The following ATG13 variants were observed in gnomAD, a reference collection of about 807,000 sequenced individuals.
ATG13 encodes autophagy-related protein 13.
A neutral mutation model predicts 65.5 loss-of-function variants in ATG13; 23 were observed. The ratio of observed to expected loss-of-function variants is 0.35; its 90% CI spans 0.25 to 0.50. The LOEUF is 0.50. Among genes scored for constraint, ATG13 ranks in the 20% least tolerant of loss-of-function variants. The pLI is 0.98. For synonymous variants in ATG13, 252 were observed against 245.2 expected (o/e 1.03, Z -0.26); for missense variants, 566 against 677.0 (o/e 0.84, Z 1.82).
intron 1 of ATG13, among the ~76,000 whole-genome samples, chr11:46,622,184 C>A (rs2047945164): frequency 6.9e-6 from 1 of 144,842 alleles, no homozygotes; most frequent in Non-Finnish European, 1.5e-5. Flanking sequence ...GTGAAGCAAT[C>A]TTGGCTCACT....
chr11:46,619,944 G>C (rs1409122891), intron 1 of ATG13, among the ~76,000 whole-genome samples: 2 of 149,074 alleles, frequency 1.3e-5, no homozygotes, highest in Non-Finnish European at 3.0e-5. Flanking sequence ...CAGGAGAATC[G>C]CTTGAACCCA....
chr11:46,653,000 A>G (rs1345597777), intron 7 of ATG13, among the ~76,000 whole-genome samples: 1 of 152,070 alleles, frequency 6.6e-6, no homozygotes, highest in Admixed American at 6.6e-5. Flanking sequence ...TACTTTTGCA[A>G]TACAACAGAA....
At chr11:46,645,441 AGG>A in intron 4 of ATG13, 22 bp downstream of exon 4, 1 of 1,589,220 alleles carries the variant, frequency 6.3e-7, no homozygotes, top group Non-Finnish European at 8.6e-7. Context: ...TTATTTACTA[AGG>A]TGTATACTGT....
chr11:46,647,134 C>T lies in ATG13; in HGVS notation c.270+1145C>T, dbSNP rs558342476. On this transcript the variant is annotated intron_variant, in intron 5 of 18. Coordinates refer to ENST00000683050, the MANE Select transcript of ATG13 (RefSeq NM_001346311.2). ...ACTTCTGCTCATCCTTCAAGACTCG[C>T]GTGCTCTAGAAACTTTCCCCCTTTT... 4.6e-5 allele frequency among the ~76,000 whole-genome samples: 7 copies of T among 152,302 alleles called. No homozygotes were observed. In the South Asian group the frequency reaches 8.3e-4, roughly 18 times the overall value.
intron 2 of ATG13, among the ~76,000 whole-genome samples, chr11:46,641,805 G>A (rs1352074229): frequency 6.7e-6 from 1 of 148,242 alleles, no homozygotes; most frequent in Non-Finnish European, 1.5e-5. Flanking sequence ...CTGTTGCCCA[G>A]GCTGGAGTGC....
intron 11 of ATG13, chr11:46,659,752 A>C: frequency 3.2e-6 from 1 of 315,768 alleles, no homozygotes; most frequent in Non-Finnish European, 5.8e-6. Context: ...AGAATTCCAA[A>C]TGCATTCTGA....
At chr11:46,665,013 G>A (rs572334044) in intron 13 of ATG13, 54 bp downstream of exon 13, 16 of 1,523,494 alleles carry the variant, frequency 1.1e-5, no homozygotes, top group Admixed American at 3.4e-5. Flanking sequence ...TCCCCTGCCC[G>A]GAGGCAATTG....
intron 1 of ATG13, among the ~76,000 whole-genome samples, chr11:46,625,826 C>G (rs1000335390): frequency 6.6e-6 from 1 of 152,030 alleles, no homozygotes; most frequent in Non-Finnish European, 1.5e-5. Flanking sequence ...ATTTTAGGCG[C>G]ATAAAGGAAT....
intron 7 of ATG13, among the ~76,000 whole-genome samples, chr11:46,652,573 A>T (rs565780345): frequency 6.6e-6 from 1 of 151,990 alleles, no homozygotes; most frequent in African/African-American, 2.4e-5. Flanking sequence ...AAAATTAGCC[A>T]GGTGTGGTGG....
intron 9 of ATG13, 84 bp downstream of exon 9, chr11:46,657,275 A>C: frequency 7.7e-7 from 1 of 1,306,950 alleles, no homozygotes; most frequent in South Asian, 1.2e-5. Context: ...CTAAACCTAC[A>C]ATTCAGCTTT....
In ATG13 at chr11:46,668,565, A is replaced by G. The variant is rs753176462; in HGVS notation, c.1318A>G (p.Thr440Ala). Residue 440 changes from threonine to alanine, a missense_variant, in exon 16 of 19, where the codon ACC becomes GCC. Coordinates refer to ENST00000683050, the MANE Select transcript of ATG13 (RefSeq NM_001346311.2). ...TCCCAAGAATTTGGAGCTGGAGGAT[A>G]CCGATCCAATGGTGAGCCCACCGTT... The part of the protein sequence containing the change: ...FAPKNLELED[T>A]DPMVNPPDSP... 18 of 1,614,062 alleles carry G rather than the reference A, an allele frequency of 1.1e-5. No homozygotes were observed. The highest frequency in any genetic ancestry group is 1.4e-5 in the Non-Finnish European group (17 of 1,180,010).
At chr11:46,647,743 T>TA (rs879627644) in intron 5 of ATG13, among the ~76,000 whole-genome samples, 70 of 141,768 alleles carry the variant, frequency 4.9e-4, no homozygotes, top group East Asian at 1.8e-3. Flanking sequence ...GGCTAATGTT[T>TA]AAAAAAAAAA....
At chr11:46,641,581 G>C (rs1049797074) in intron 2 of ATG13, among the ~76,000 whole-genome samples, 3 of 152,138 alleles carry the variant, frequency 2.0e-5, no homozygotes, top group Admixed American at 1.3e-4. Context: ...ATATAAATCA[G>C]TAATTATTTC....
chr11:46,633,081 G>T (rs752111438), intron 2 of ATG13, among the ~76,000 whole-genome samples: 19 of 143,906 alleles, frequency 1.3e-4, no homozygotes, highest in Non-Finnish European at 2.4e-4. Flanking sequence ...CTGGAGTGCA[G>T]TGGTGGGATC....
rs141880591 is a variant in ATG13, at chr11:46,638,902, G to A, written c.-13-5377G>A. Among the ~76,000 whole-genome samples, 1,064 of 152,224 alleles carry A rather than the reference G, an allele frequency of 7.0e-3. 18 individuals carry two copies. The highest frequency in any genetic ancestry group is 0.024 in the African/African-American group (1,016 of 41,532). ...GGCTCACTGCAACCTCCGCCTCCCA[G>A]GTGCAAGCCATTCTCCCACCTCAGC... On this transcript the variant is annotated intron_variant, in intron 2 of 18. Coordinates refer to ENST00000683050, the MANE Select transcript of ATG13 (RefSeq NM_001346311.2).
At chr11:46,656,135 A>T in intron 7 of ATG13, 98 bp from the exon 8 acceptor site, 1 of 1,063,378 alleles carries the variant, frequency 9.4e-7, no homozygotes, top group Non-Finnish European at 1.4e-6. Context: ...CAGATGAGTA[A>T]GGAAGGCTTT....
At chr11:46,669,613 C>G in intron 18 of ATG13, 81 bp downstream of exon 18, 1 of 1,478,072 alleles carries the variant, frequency 6.8e-7, no homozygotes, top group Non-Finnish European at 9.3e-7. Flanking sequence ...GGCCTACCAC[C>G]TTCTATCTTC....
intron 2 of ATG13, among the ~76,000 whole-genome samples, chr11:46,635,790 A>G (rs1310153027): frequency 1.3e-5 from 2 of 152,222 alleles, no homozygotes; most frequent in African/African-American, 4.8e-5. Context: ...CTGTAGTTAC[A>G]TAATCCTTTC....
chr11:46,627,885 C>G (rs2050273784), intron 1 of ATG13, among the ~76,000 whole-genome samples: 1 of 151,918 alleles, frequency 6.6e-6, no homozygotes, highest in South Asian at 2.1e-4. Context: ...GAGTTCACAA[C>G]CAGCCTGGGC....
Sources: gnomAD v4.1 joint callset for allele counts (sites outside exome capture counted in the v4.1 genomes callset) on GRCh38, gnomAD v4.1.1 for gene constraint, MANE v1.5 for transcripts, NCBI Gene and HGNC (gene_info 2026-07-23, HGNC 2026-07-21) for gene names.